Variants in FHIT observed in about 807,000 individuals in gnomAD.
The protein encoded by FHIT is fragile histidine triad diadenosine triphosphatase, also known as bis(5'-adenosyl)-triphosphatase.
A neutral mutation model predicts 17.9 loss-of-function variants in FHIT; 19 were observed. That is an observed-to-expected ratio of 1.06 (90% CI 0.74 to 1.56). The LOEUF is 1.56. Among genes scored for constraint, FHIT ranks in the 40% most tolerant of loss-of-function variants. FHIT has a pLI of 0.00. For synonymous variants in FHIT, 81 were observed against 69.7 expected (o/e 1.16, Z -0.81); for missense variants, 248 against 189.2 (o/e 1.31, Z -1.82).
intron 4 of FHIT, among the ~76,000 whole-genome samples, chr3:60,712,067 C>T (rs1182280725): frequency 5.3e-4 from 80 of 152,318 alleles, no homozygotes; most frequent in African/African-American, 1.9e-3. Flanking sequence ...AGACTAACAG[C>T]TGATCTCTCG....
intron 3 of FHIT, among the ~76,000 whole-genome samples, chr3:60,923,147 T>G (rs1463499384): frequency 6.6e-6 from 1 of 152,234 alleles, no homozygotes; most frequent in Non-Finnish European, 1.5e-5. Context: ...GAATAAAAAC[T>G]GTGCCTAATT....
intron 5 of FHIT, among the ~76,000 whole-genome samples, chr3:60,507,515 C>G (rs1022337453): frequency 2.0e-5 from 3 of 152,104 alleles, no homozygotes. Context: ...ACAACAGCAG[C>G]AACAACAAAA....
intron 3 of FHIT, among the ~76,000 whole-genome samples, chr3:60,926,427 G>T (rs1189127176): frequency 6.6e-6 from 1 of 152,194 alleles, no homozygotes; most frequent in East Asian, 1.9e-4. Context: ...CAACTACATG[G>T]AAACTGAACA....
At chr3:59,927,146 G>C (rs6793471) in intron 7 of FHIT, among the ~76,000 whole-genome samples, 1 of 152,090 alleles carries the variant, frequency 6.6e-6, no homozygotes, top group Non-Finnish European at 1.5e-5. Context: ...GCCATAAAAA[G>C]GAGTGATGTG....
intron 5 of FHIT, among the ~76,000 whole-genome samples, chr3:60,429,651 G>A (rs1226258124): frequency 6.6e-6 from 1 of 152,016 alleles, no homozygotes; most frequent in Admixed American, 6.6e-5. Context: ...GCAGGGTGAT[G>A]GAGGGAACCC....
At chr3:59,893,046 A>C (rs536950827) in intron 8 of FHIT, among the ~76,000 whole-genome samples, 7 of 152,298 alleles carry the variant, frequency 4.6e-5, no homozygotes, top group Middle Eastern at 3.4e-3. Context: ...TATCTAAAAA[A>C]CTCATAAATA....
intron 8 of FHIT, among the ~76,000 whole-genome samples, chr3:59,905,898 T>A (rs1443617024): frequency 6.7e-6 from 1 of 150,020 alleles, no homozygotes; most frequent in African/African-American, 2.5e-5. Flanking sequence ...TTAAGTCAAT[T>A]TACAAAAAAA....
In FHIT at chr3:61,077,765, A is replaced by C. The variant is rs147464719; in HGVS notation, c.-163-35666T>G. On this transcript the variant is annotated intron_variant, in intron 2 of 9. Coordinates refer to ENST00000492590, the MANE Select transcript of FHIT (RefSeq NM_002012.4). Reference sequence around the variant, plus strand: ...ACCCATCTCATAGTGTGTTTTTCTTATCTCTCTCCACCATCACTGGCTTCC... The same window carrying C: ...ACCCATCTCATAGTGTGTTTTTCTTCTCTCTCTCCACCATCACTGGCTTCC... Among the ~76,000 whole-genome samples, 376 of 152,184 alleles carry C rather than the reference A, an allele frequency of 2.5e-3. 3 individuals are homozygous for C. The highest frequency in any genetic ancestry group is 3.4e-3 in the Middle Eastern group (1 of 294).
At chr3:60,117,307 C>T (rs1213687023) in intron 5 of FHIT, among the ~76,000 whole-genome samples, 1 of 151,980 alleles carries the variant, frequency 6.6e-6, no homozygotes, top group African/African-American at 2.4e-5. Context: ...TACAGAATGG[C>T]AAAAACTTCT....
intron 8 of FHIT, among the ~76,000 whole-genome samples, chr3:59,910,935 C>T (rs1166685816): frequency 6.6e-6 from 1 of 152,024 alleles, no homozygotes; most frequent in Non-Finnish European, 1.5e-5. Flanking sequence ...AGACTTGTAG[C>T]CCAGAAAAAT....
intron 5 of FHIT, among the ~76,000 whole-genome samples, chr3:60,181,914 G>A (rs1559705575): frequency 6.6e-6 from 1 of 152,088 alleles, no homozygotes. Flanking sequence ...ATACATCATA[G>A]CAATCACCTT....
intron 5 of FHIT, among the ~76,000 whole-genome samples, chr3:60,355,424 G>A (rs1401014954): frequency 6.6e-6 from 1 of 151,710 alleles, no homozygotes; most frequent in African/African-American, 2.4e-5. Flanking sequence ...TGAACTTTTT[G>A]GGTTGCATAT....
chr3:60,976,981 T>C (rs1007511294), intron 3 of FHIT, among the ~76,000 whole-genome samples: 3 of 152,308 alleles, frequency 2.0e-5, no homozygotes, highest in Middle Eastern at 6.8e-3. Context: ...GGTTGGAAAG[T>C]AAGCCCTGTA....
rs55946791 is a variant in FHIT, at chr3:60,631,434, C to G, written c.-17-94455G>C. On this transcript the variant is annotated intron_variant, in intron 4 of 9. Transcript: ENST00000492590. ...CACTAACTATTATTCTGATTTACAT[C>G]TAGGGGATCCATGCAGAAATGCGGA... Among the ~76,000 whole-genome samples the G allele has an allele frequency of 2.1e-3, 317 of 152,264 alleles. 1 individual carries two copies. Among genetic ancestry groups the G allele is most frequent in the Admixed American group, 3.6e-3 (55 of 15,290 alleles).
chr3:60,828,493 T>A lies in FHIT; in HGVS notation c.-110-6482A>T, dbSNP rs75344767. 3.1e-3 allele frequency among the ~76,000 whole-genome samples: 479 copies of A among 152,208 alleles called. 2 individuals carry two copies. Among genetic ancestry groups the A allele is most frequent in the African/African-American group, 0.011 (458 of 41,538 alleles). On this transcript the variant is annotated intron_variant, in intron 3 of 9. Coordinates refer to ENST00000492590, the MANE Select transcript of FHIT (RefSeq NM_002012.4). ...GCTAGGGGCTAGGGTACATAGGTGA[T>A]CTAATCCTCCTGGAAGCTATTAGAG... is the stretch of plus-strand genomic sequence containing the variant.
At chr3:60,613,528 C>T (rs1284916007) in intron 4 of FHIT, among the ~76,000 whole-genome samples, 1 of 152,094 alleles carries the variant, frequency 6.6e-6, no homozygotes, top group Admixed American at 6.6e-5. Context: ...TGCATGGAGC[C>T]TGGATTATCT....
chr3:60,101,964 TC>T (rs1576102567), intron 5 of FHIT, among the ~76,000 whole-genome samples: 1 of 152,338 alleles, frequency 6.6e-6, no homozygotes, highest in East Asian at 1.9e-4. Context: ...CTAATTCTGC[TC>T]AAGGATCAGT....
intron 8 of FHIT, among the ~76,000 whole-genome samples, chr3:59,824,220 A>T (rs1316856417): frequency 1.3e-5 from 2 of 152,216 alleles, no homozygotes; most frequent in African/African-American, 4.8e-5. Context: ...TTTGGAAAGA[A>T]GGTTGGAGGA....
chr3:60,387,379 C>A (rs1701055010), intron 5 of FHIT, among the ~76,000 whole-genome samples: 1 of 152,056 alleles, frequency 6.6e-6, no homozygotes, highest in African/African-American at 2.4e-5. Context: ...TATTATACTT[C>A]CTAAGGAATG....
Sources: gnomAD v4.1 joint callset for allele counts (sites outside exome capture counted in the v4.1 genomes callset) on GRCh38, gnomAD v4.1.1 for gene constraint, MANE v1.5 for transcripts, NCBI Gene and HGNC (gene_info 2026-07-23, HGNC 2026-07-21) for gene names.